SHISA6: variants seen among roughly 807,000 people sequenced by gnomAD.
The protein encoded by SHISA6 is shisa family member 6, also known as protein shisa-6.
Under a neutral mutation model 47.9 loss-of-function variants are expected in SHISA6, and 22 were observed. The ratio of observed to expected loss-of-function variants is 0.46; its 90% CI spans 0.33 to 0.66. The LOEUF is 0.66. Ranked by LOEUF, SHISA6 falls within the 30% of genes least tolerant of loss-of-function variation. The pLI is 0.02. For missense variants in SHISA6, 680 were observed against 764.6 expected (o/e 0.89, Z 1.30); for synonymous variants, 388 against 337.8 (o/e 1.15, Z -1.63).
chr17:11,339,068 GTACATTCATATAA>G (rs932378708), intron 2 of SHISA6, among the ~76,000 whole-genome samples: 1 of 149,918 alleles, frequency 6.7e-6, no homozygotes, highest in Non-Finnish European at 1.5e-5. Context: ...AATGTGTGTA[GTACATTCATATAA>G]TGCAGCATAC....
intron 3 of SHISA6, among the ~76,000 whole-genome samples, chr17:11,449,973 C>A (rs1267327694): frequency 6.6e-6 from 1 of 152,224 alleles, no homozygotes; most frequent in Admixed American, 6.5e-5. Context: ...CAAGCTCCGC[C>A]TCCTGGGTTC....
chr17:11,391,546 G>T (rs1913386994), intron 3 of SHISA6, among the ~76,000 whole-genome samples: 1 of 152,122 alleles, frequency 6.6e-6, no homozygotes, highest in Admixed American at 6.5e-5. Flanking sequence ...ACTACAAACT[G>T]ATGTTCAACT....
chr17:11,411,029 C>T (rs12165020), intron 3 of SHISA6, among the ~76,000 whole-genome samples: 6,168 of 152,164 alleles, frequency 0.041, 397 homozygotes, highest in African/African-American at 0.14. Flanking sequence ...AGTGCAGTGG[C>T]GCGATCTTGG....
intron 2 of SHISA6, among the ~76,000 whole-genome samples, chr17:11,267,054 A>G (rs1208196771): frequency 6.6e-6 from 1 of 152,208 alleles, no homozygotes; most frequent in Non-Finnish European, 1.5e-5. Context: ...ATCCTGTAAT[A>G]TTTCTTAGAT....
Position 11,256,427 on chromosome 17 carries a change from C to T in SHISA6, c.639-6939C>T, listed in dbSNP as rs139225430. On this transcript the variant is annotated intron_variant, in intron 1 of 5. Transcript: ENST00000441885. ...AGGAGAATCACTTGAACCAAGGAGG[C>T]GGAGGTTGCAGTGAACTGAGATCAC... 6.1e-3 allele frequency among the ~76,000 whole-genome samples: 924 copies of T among 152,142 alleles called. 7 individuals are homozygous for T. The highest frequency in any genetic ancestry group is 0.021 in the African/African-American group (866 of 41,502).
rs555893112 is a variant in SHISA6 at position 11,457,290 on chromosome 17, A to G, written c.895+77781A>G. Among the ~76,000 whole-genome samples the G allele has an allele frequency of 4.6e-5, 7 of 152,292 alleles. No homozygotes were observed. The South Asian group carries it at 1.4e-3, about 32-fold the overall frequency. On this transcript the variant is annotated intron_variant, in intron 3 of 5. Transcript: ENST00000441885. The stretch of plus-strand genomic sequence containing the variant: ...TCTCCTTTACTGTTGATCCTAATCC[A>G]TCAATCCTCAGTCTTCCCGAGGAAG...
intron 2 of SHISA6, among the ~76,000 whole-genome samples, chr17:11,378,988 G>A (rs112980350): frequency 0.048 from 7,305 of 151,816 alleles, 312 homozygotes; most frequent in African/African-American, 0.098. Context: ...TGTACCTTGC[G>A]CTCAGCCAGA....
intron 2 of SHISA6, among the ~76,000 whole-genome samples, chr17:11,285,211 T>G (rs1909253341): frequency 6.6e-6 from 1 of 152,238 alleles, no homozygotes; most frequent in South Asian, 2.1e-4. Context: ...TCTGAGGAAC[T>G]TCAAATGAGT....
intron 2 of SHISA6, among the ~76,000 whole-genome samples, chr17:11,358,176 A>T (rs1181556591): frequency 6.6e-6 from 1 of 152,154 alleles, no homozygotes; most frequent in African/African-American, 2.4e-5. Flanking sequence ...TGCCCATTAG[A>T]CAACAGCTCC....
intron 2 of SHISA6, among the ~76,000 whole-genome samples, chr17:11,327,435 G>A (rs573946598): frequency 3.3e-4 from 50 of 152,334 alleles, no homozygotes; most frequent in Middle Eastern, 3.4e-3. Context: ...AGACGCCTTA[G>A]GACCCTTCTA....
chr17:11,397,138 TG>T (rs1913597237), intron 3 of SHISA6, among the ~76,000 whole-genome samples: 1 of 152,224 alleles, frequency 6.6e-6, no homozygotes, highest in Non-Finnish European at 1.5e-5. Context: ...GATTTTCATA[TG>T]TTTTTTTCCT....
At chr17:11,261,195 G>A (rs1238227880) in intron 1 of SHISA6, among the ~76,000 whole-genome samples, 2 of 152,150 alleles carry the variant, frequency 1.3e-5, no homozygotes, top group African/African-American at 4.8e-5. Flanking sequence ...GGGAATGAGG[G>A]CTTCCTTCCT....
chr17:11,464,682 C>A (rs916132350), intron 3 of SHISA6, among the ~76,000 whole-genome samples: 2 of 152,208 alleles, frequency 1.3e-5, no homozygotes, highest in African/African-American at 4.8e-5. Context: ...GTGGCTCACG[C>A]CTGTAATCCC....
At chr17:11,397,395 C>CTGTGTGTGTG (rs3034221) in intron 3 of SHISA6, among the ~76,000 whole-genome samples, 5,478 of 140,420 alleles carry the variant, frequency 0.039, 148 homozygotes, top group African/African-American at 0.084. Context: ...TTACCTGCCT[C>CTGTGTGTGTG]TGTGTGTGTG....
intron 1 of SHISA6, among the ~76,000 whole-genome samples, 157 bp downstream of exon 1, chr17:11,242,217 C>A (rs1907396010): frequency 6.6e-6 from 1 of 152,212 alleles, no homozygotes; most frequent in South Asian, 2.1e-4. Context: ...TCAGGGTCTT[C>A]TTGTGCCCCC....
At chr17:11,504,428 T>C (rs1041489334) in intron 3 of SHISA6, among the ~76,000 whole-genome samples, 3 of 152,226 alleles carry the variant, frequency 2.0e-5, no homozygotes, top group Admixed American at 6.5e-5. Context: ...CTCTCTGTCC[T>C]GATCGTAGGA....
At position 11,557,929 on chromosome 17, in the gene SHISA6, G is replaced by A. The variant is rs1319903768; in HGVS notation, c.1281G>A (p.Arg427=). Residue 427 remains arginine, a synonymous_variant, in exon 6 of 6, where the codon CGG becomes CGA. Coordinates refer to ENST00000441885, the MANE Select transcript of SHISA6 (RefSeq NM_207386.4). The stretch of plus-strand genomic sequence containing the variant: ...AGGACAGGGTCCTGTCCCCGGATCG[G>A]GGCCTGCCAGATGAGTTCAGCATGC... ...MSQDRVLSPD[R]GLPDEFSMPY... is the part of the protein sequence containing the mutation. 5 of 1,551,458 alleles carry A rather than the reference G, an allele frequency of 3.2e-6. No homozygotes were observed. Among genetic ancestry groups the A allele is most frequent in the African/African-American group, 2.7e-5 (2 of 73,056 alleles).
intron 2 of SHISA6, among the ~76,000 whole-genome samples, chr17:11,336,799 T>C (rs1911337365): frequency 1.3e-5 from 2 of 152,176 alleles, no homozygotes; most frequent in Non-Finnish European, 2.9e-5. Flanking sequence ...AGCCGGCACA[T>C]TGTGATACTC....
chr17:11,312,507 TA>T (rs1362388808), intron 2 of SHISA6, among the ~76,000 whole-genome samples: 1 of 152,206 alleles, frequency 6.6e-6, no homozygotes. Context: ...ATGAATAGGC[TA>T]AAAAGCAAAA....
Sources: gnomAD v4.1 joint callset for allele counts (sites outside exome capture counted in the v4.1 genomes callset) on GRCh38, gnomAD v4.1.1 for gene constraint, MANE v1.5 for transcripts, NCBI Gene and HGNC (gene_info 2026-07-23, HGNC 2026-07-21) for gene names.